The following SGMS2 variants were observed in gnomAD, a reference collection of about 807,000 sequenced individuals.
The protein encoded by SGMS2 is phosphatidylcholine:ceramide cholinephosphotransferase 2.
Under a neutral mutation model 43.8 loss-of-function variants are expected in SGMS2, and 21 were observed. That is an observed-to-expected ratio of 0.48 (90% CI 0.34 to 0.69). The LOEUF is 0.69. Among genes scored for constraint, SGMS2 ranks in the 30% least tolerant of loss-of-function variants. The pLI is 0.01. For missense variants in SGMS2, 384 were observed against 443.2 expected, an observed-to-expected ratio of 0.87 and a Z score of 1.20; for synonymous variants, 167 against 160.6, an observed-to-expected ratio of 1.04 and a Z score of -0.30.
chr4:107,850,285 A>G (rs1456828964), intron 1 of SGMS2, among the ~76,000 whole-genome samples: 3 of 152,136 alleles, frequency 2.0e-5, no homozygotes, highest in Non-Finnish European at 4.4e-5. Context: ...TCTTTTCTTT[A>G]TAAATTACCC....
In SGMS2 at chr4:107,886,257, TG is replaced by T. The variant is rs1008114768; in HGVS notation, c.-244-9051del. On this transcript the variant is annotated intron_variant, in intron 2 of 6. Coordinates refer to ENST00000690982, the MANE Select transcript of SGMS2 (RefSeq NM_001375905.1). Reference sequence around the variant, plus strand: ...CTCCATCACCCAGGCTGGAATGCAGTGGTGTGATCACTGCTCACTGCAGCCT... The same window carrying T: ...CTCCATCACCCAGGCTGGAATGCAGTGTGTGATCACTGCTCACTGCAGCCT... 2.9e-4 allele frequency among the ~76,000 whole-genome samples: 44 copies of T among 152,006 alleles called. 1 individual carries two copies. The South Asian group carries it at 5.0e-3, about 17-fold the overall frequency.
intron 1 of SGMS2, among the ~76,000 whole-genome samples, chr4:107,834,287 G>T (rs541824671): frequency 1.3e-5 from 2 of 152,294 alleles, no homozygotes; most frequent in African/African-American, 4.8e-5. Context: ...CTTTGTGGGA[G>T]GGAGAGTTAA....
intron 1 of SGMS2, among the ~76,000 whole-genome samples, chr4:107,848,756 A>G (rs1231516026): frequency 6.6e-6 from 1 of 151,994 alleles, no homozygotes; most frequent in East Asian, 1.9e-4. Context: ...TAATTAGGTT[A>G]TTTTTCTTGT....
chr4:107,886,246 C>T (rs971817114), intron 2 of SGMS2, among the ~76,000 whole-genome samples: 1 of 151,704 alleles, frequency 6.6e-6, no homozygotes, highest in Non-Finnish European at 1.5e-5. Context: ...ATCACCCAGG[C>T]TGGAATGCAG....
At chr4:107,887,007 A>G (rs188039290) in intron 2 of SGMS2, among the ~76,000 whole-genome samples, 1 of 152,358 alleles carries the variant, frequency 6.6e-6, no homozygotes, top group African/African-American at 2.4e-5. Context: ...AAAGCTGTAA[A>G]TAGCTTAAAA....
chr4:107,837,896 A>G (rs1225654402), intron 1 of SGMS2, among the ~76,000 whole-genome samples: 1 of 151,992 alleles, frequency 6.6e-6, no homozygotes, highest in Non-Finnish European at 1.5e-5. Flanking sequence ...GTGGGTAAAG[A>G]GTTGTAGTGA....
At chr4:107,908,507 T>C in intron 5 of SGMS2, 58 bp from the exon 6 acceptor site, 2 of 1,532,102 alleles carry the variant, frequency 1.3e-6, no homozygotes, top group Non-Finnish European at 1.8e-6. Context: ...GGACAGACTG[T>C]AATCATTACA....
At chr4:107,879,042 C>T (rs973091147) in intron 2 of SGMS2, among the ~76,000 whole-genome samples, 1 of 151,480 alleles carries the variant, frequency 6.6e-6, no homozygotes, top group African/African-American at 2.4e-5. Flanking sequence ...CAAATTTGTA[C>T]AGCTAATATT....
intron 2 of SGMS2, chr4:107,886,742 C>G (rs1032190945): frequency 2.0e-5 from 3 of 152,120 alleles, no homozygotes; most frequent in Non-Finnish European, 4.4e-5. Flanking sequence ...TTTATTGGCT[C>G]CATAAGTCAA....
At chr4:107,909,109 A>ATTT (rs113023546) in intron 6 of SGMS2, among the ~76,000 whole-genome samples, 13 of 145,524 alleles carry the variant, frequency 8.9e-5, no homozygotes, top group African/African-American at 2.5e-4. Flanking sequence ...ATTTTTTTTA[A>ATTT]TTTTTTTTTT....
chr4:107,864,148 A>G (rs1005358058), intron 2 of SGMS2: 2 of 152,258 alleles, frequency 1.3e-5, no homozygotes, highest in African/African-American at 4.8e-5. Context: ...ATGGCATTCA[A>G]TCTCAATCTG....
chr4:107,885,009 T>A (rs962629464), intron 2 of SGMS2, among the ~76,000 whole-genome samples: 2 of 152,160 alleles, frequency 1.3e-5, no homozygotes, highest in African/African-American at 4.8e-5. Flanking sequence ...CAATAGTTCC[T>A]CTCTCAGTGG....
At chr4:107,888,455 G>A (rs2126102955) in intron 2 of SGMS2, among the ~76,000 whole-genome samples, 2 of 152,246 alleles carry the variant, frequency 1.3e-5, no homozygotes, top group Admixed American at 1.3e-4. Context: ...GACCGTTCAT[G>A]ACATGCTTGG....
At chr4:107,847,212 G>A (rs1269940626) in intron 1 of SGMS2, among the ~76,000 whole-genome samples, 1 of 151,996 alleles carries the variant, frequency 6.6e-6, no homozygotes, top group Admixed American at 6.6e-5. Flanking sequence ...GAATGGTAAT[G>A]CCTAGGTTTT....
intron 2 of SGMS2, among the ~76,000 whole-genome samples, chr4:107,869,148 G>GGA (rs1728362451): frequency 1.3e-5 from 2 of 152,174 alleles, no homozygotes; most frequent in Non-Finnish European, 2.9e-5. Context: ...AGGGAATTTA[G>GGA]GAGAGAGGGG....
intron 2 of SGMS2, among the ~76,000 whole-genome samples, chr4:107,890,843 C>A (rs1730148044): frequency 6.6e-6 from 1 of 152,074 alleles, no homozygotes; most frequent in South Asian, 2.1e-4. Flanking sequence ...CTCTTTAAAT[C>A]TCATTTCCAT....
intron 2 of SGMS2, among the ~76,000 whole-genome samples, chr4:107,891,176 T>C (rs1730188486): frequency 6.6e-6 from 1 of 152,024 alleles, no homozygotes; most frequent in Non-Finnish European, 1.5e-5. Flanking sequence ...TGTGTGTGTC[T>C]ATGAGAATTT....
intron 2 of SGMS2, among the ~76,000 whole-genome samples, chr4:107,861,239 T>C (rs937482278): frequency 7.2e-5 from 11 of 152,238 alleles, no homozygotes; most frequent in African/African-American, 1.9e-4. Context: ...AGTTTCAGCA[T>C]GGGAACAAAC....
chr4:107,909,432 T>C (rs1731920688), intron 6 of SGMS2, among the ~76,000 whole-genome samples: 1 of 152,136 alleles, frequency 6.6e-6, no homozygotes, highest in South Asian at 2.1e-4. Context: ...TTGTTTAAAA[T>C]CACACAAAAT....
Sources: gnomAD v4.1 joint callset for allele counts (sites outside exome capture counted in the v4.1 genomes callset) on GRCh38, gnomAD v4.1.1 for gene constraint, MANE v1.5 for transcripts, NCBI Gene and HGNC (gene_info 2026-07-23, HGNC 2026-07-21) for gene names.